HIVEP3: variants seen among roughly 807,000 people sequenced by gnomAD.
HIVEP3 encodes transcription factor HIVEP3.
HIVEP3 carries 49 observed loss-of-function variants against 152.8 expected under a neutral mutation model. The ratio of observed to expected loss-of-function variants is 0.32; its 90% CI spans 0.26 to 0.41. HIVEP3 has a LOEUF of 0.41. Among genes scored for constraint, HIVEP3 ranks in the 10% least tolerant of loss-of-function variants. The pLI is 1.00. For synonymous variants in HIVEP3, 1,269 were observed against 1,289.0 expected (o/e 0.98, Z 0.33); for missense variants, 2,790 against 3,103.3 (o/e 0.90, Z 2.40).
At chr1:41,667,058 C>G (rs969773102) in intron 2 of HIVEP3, among the ~76,000 whole-genome samples, 2 of 152,182 alleles carry the variant, frequency 1.3e-5, no homozygotes, top group East Asian at 1.9e-4. Context: ...TTCCCTGGCC[C>G]CCAGGGAGTG....
intron 5 of HIVEP3, among the ~76,000 whole-genome samples, chr1:41,545,670 GCCACCACCA>G (rs1479117439): frequency 3.0e-5 from 1 of 33,412 alleles, no homozygotes; most frequent in African/African-American, 1.5e-4. Flanking sequence ...CCCTGCCACA[GCCACCACCA>G]CCACCATCAC....
chr1:41,779,157 C>T lies in HIVEP3; in HGVS notation c.-800-78162G>A, dbSNP rs145707600. ...GCCTGGATCACTTGCCTTCCTCCCA[C>T]CCCCTCCTGCTGTCCCCCAACCAGG... On this transcript the variant is annotated intron_variant, in intron 1 of 8. Transcript: ENST00000372583. Among the ~76,000 whole-genome samples the T allele has an allele frequency of 3.6e-3, 547 of 152,286 alleles. 3 individuals are homozygous for T. The Middle Eastern group carries it at 0.041, about 11-fold the overall frequency.
At chr1:41,734,231 T>A (rs1431164235) in intron 1 of HIVEP3, among the ~76,000 whole-genome samples, 1 of 152,174 alleles carries the variant, frequency 6.6e-6, no homozygotes, top group African/African-American at 2.4e-5. Context: ...GCCCCCTGCA[T>A]CTGAATTGAG....
At chr1:41,691,062 T>C (rs768673271) in intron 2 of HIVEP3, among the ~76,000 whole-genome samples, 2 of 152,220 alleles carry the variant, frequency 1.3e-5, no homozygotes, top group Non-Finnish European at 2.9e-5. Flanking sequence ...ATGGGGATAA[T>C]ACTAGAGTCT....
At chr1:41,627,318 C>A (rs575653649) in intron 3 of HIVEP3, among the ~76,000 whole-genome samples, 1 of 152,324 alleles carries the variant, frequency 6.6e-6, no homozygotes, top group Admixed American at 6.5e-5. Context: ...AGAGTTGGAG[C>A]AATTTGCCTC....
chr1:42,007,245 G>A (rs541087599), intron 1 of HIVEP3, among the ~76,000 whole-genome samples: 7 of 152,304 alleles, frequency 4.6e-5, no homozygotes, highest in East Asian at 1.9e-4. Context: ...TCGAGTGACC[G>A]TGAGGTAGGG....
In HIVEP3 at chr1:41,873,432, G is replaced by A. The variant is rs1361310932; in HGVS notation, c.-801+44981C>T. Among the ~76,000 whole-genome samples, 1 of 152,170 alleles carries A rather than the reference G, an allele frequency of 6.6e-6. No individual in the cohort carries two copies. Among genetic ancestry groups the A allele is most frequent in the Non-Finnish European group, 1.5e-5 (1 of 68,034 alleles). ...CCACTGTTCTCAGCTTTGGGCCTCA[G>A]CTAAGGCCAGGACAAGCATCATTTA... On this transcript the variant is annotated intron_variant, in intron 1 of 8. Coordinates refer to ENST00000372583, the MANE Select transcript of HIVEP3 (RefSeq NM_024503.5). This position sits in a 1 kb window ranked among gnomAD's most constrained non-coding sequence, Gnocchi z 4.2.
At chr1:41,919,966 G>A (rs1644927306), upstream of HIVEP3, among the ~76,000 whole-genome samples, 1 of 152,120 alleles carries the variant, frequency 6.6e-6, no homozygotes, top group South Asian at 2.1e-4. Flanking sequence ...GCTCACCTCG[G>A]GAGCTACAGG....
At chr1:41,723,714 T>C (rs1210991195) in intron 1 of HIVEP3, among the ~76,000 whole-genome samples, 1 of 152,230 alleles carries the variant, frequency 6.6e-6, no homozygotes, top group African/African-American at 2.4e-5. Context: ...AAGAATGAGA[T>C]AATGATAAGT....
At position 41,742,224 on chromosome 1, in the gene HIVEP3, A is replaced by T. The variant is rs1303976013; in HGVS notation, c.-800-41229T>A. Among the ~76,000 whole-genome samples the T allele has an allele frequency of 2.0e-5, 3 of 152,220 alleles. No homozygotes were observed. The East Asian group carries it at 5.8e-4, about 29-fold the overall frequency. ...CATCTTTTCTTCCATTCTGCCATCTATCTGTCCAACCGTCTATCCATCCAT... is the reference window on the plus strand; with the variant it reads ...CATCTTTTCTTCCATTCTGCCATCTTTCTGTCCAACCGTCTATCCATCCAT... On this transcript the variant is annotated intron_variant, in intron 1 of 8. Coordinates refer to ENST00000372583, the MANE Select transcript of HIVEP3 (RefSeq NM_024503.5).
At chr1:41,875,431 C>T (rs1315799065) in intron 1 of HIVEP3, among the ~76,000 whole-genome samples, 1 of 152,232 alleles carries the variant, frequency 6.6e-6, no homozygotes, top group Non-Finnish European at 1.5e-5. Context: ...CCCTTCTGGC[C>T]CCTCTTCATC....
chr1:41,966,914 A>G (rs1402337959), intron 1 of HIVEP3, among the ~76,000 whole-genome samples: 1 of 152,200 alleles, frequency 6.6e-6, no homozygotes, highest in Non-Finnish European at 1.5e-5. Flanking sequence ...GTTCCTGACA[A>G]AACAGACTTT....
chr1:41,510,432 TG>T lies in HIVEP3; in HGVS notation c.*18del, dbSNP rs763755207. On this transcript the variant is annotated 3_prime_UTR_variant, in exon 9 of 9. Transcript: ENST00000372583. ...TTGCTGGACACTGGAAGCCAGATGC[TG>T]AAGCAGTTGGAGAGAGGCTAAGCGT... 6.2e-6 allele frequency: 9 copies of T among 1,456,786 alleles called. No homozygotes were observed. The highest frequency in any genetic ancestry group is 7.3e-6 in the Non-Finnish European group (8 of 1,102,330). 90.2% of individuals were successfully genotyped at this position (1,456,786 alleles called of 1,614,324 possible). A position where few individuals can be genotyped will look rare whatever the true frequency, so the allele number is the denominator to read the frequency against.
intron 2 of HIVEP3, among the ~76,000 whole-genome samples, chr1:41,652,818 C>G (rs890185885): frequency 6.6e-6 from 1 of 152,134 alleles, no homozygotes; most frequent in Non-Finnish European, 1.5e-5. Flanking sequence ...TCTTTAGTGG[C>G]ATTTTAAAAT....
At chr1:41,715,459 C>T (rs940018976) in intron 1 of HIVEP3, among the ~76,000 whole-genome samples, 1 of 152,112 alleles carries the variant, frequency 6.6e-6, no homozygotes, top group Admixed American at 6.5e-5. Flanking sequence ...TGGATGGGGA[C>T]TGGGGGTCCT....
chr1:41,518,429 C>A lies in HIVEP3; in HGVS notation c.5443G>T (p.Val1815Leu), dbSNP rs889560322. 3.1e-6 allele frequency: 5 copies of A among 1,614,170 alleles called. No homozygotes were observed. The Middle Eastern group carries it at 5.0e-4, about 160-fold the overall frequency. Reference sequence around the variant, plus strand: ...TCTTCGGCTTCCAGCTCCTCCAGCACCCCTGTCTCTTGGCACTTTTTGCTG... The same window carrying A: ...TCTTCGGCTTCCAGCTCCTCCAGCAACCCTGTCTCTTGGCACTTTTTGCTG... Reference protein sequence around the residue: ...AHSKKCQETGVLEELEAEEGT... With the variant: ...AHSKKCQETGLLEELEAEEGT... Residue 1815 changes from valine (V) to leucine (L), a missense_variant, in exon 7 of 9, where the codon GTG (valine) becomes TTG (leucine). Physicochemically the swap from Val to Leu is conservative, Grantham distance 32 (BLOSUM62 1). Coordinates refer to ENST00000372583, the MANE Select transcript of HIVEP3 (RefSeq NM_024503.5).
At chr1:41,659,390 C>A (rs1645678044) in intron 2 of HIVEP3, among the ~76,000 whole-genome samples, 1 of 152,158 alleles carries the variant, frequency 6.6e-6, no homozygotes, top group African/African-American at 2.4e-5. Context: ...TTTATCTGAT[C>A]CATTAATATT....
chr1:41,517,230 C>T (rs1056748828), intron 7 of HIVEP3, among the ~76,000 whole-genome samples: 1 of 152,218 alleles, frequency 6.6e-6, no homozygotes, highest in Non-Finnish European at 1.5e-5. Flanking sequence ...GACTGGCATG[C>T]AGCCAGGGTT....
At chr1:41,615,599 T>C (rs564324324) in intron 3 of HIVEP3, among the ~76,000 whole-genome samples, 2 of 152,274 alleles carry the variant, frequency 1.3e-5, no homozygotes, top group Admixed American at 1.3e-4. Flanking sequence ...AACCAAAGGC[T>C]GAAACTCACC....
Sources: gnomAD v4.1 joint callset for allele counts (sites outside exome capture counted in the v4.1 genomes callset) on GRCh38, gnomAD v4.1.1 for gene constraint, Gnocchi (gnomAD v3.1) non-coding constraint, MANE v1.5 for transcripts, NCBI Gene and HGNC (gene_info 2026-07-23, HGNC 2026-07-21) for gene names.